Variants in KDM3A observed in about 807,000 individuals in gnomAD.
KDM3A encodes lysine demethylase 3A, also known as lysine-specific demethylase 3A.
KDM3A carries 60 observed loss-of-function variants against 158.0 expected under a neutral mutation model. That is an observed-to-expected ratio of 0.38 (90% confidence interval 0.31 to 0.47). The LOEUF is 0.47. Among genes scored for constraint, KDM3A ranks in the 20% least tolerant of loss-of-function variants. The probability of loss-of-function intolerance (pLI) is 0.99; values close to 1 mark genes in which losing one functional copy is unlikely to be tolerated. For synonymous variants in KDM3A, 608 were observed against 549.3 expected (o/e 1.11, Z -1.49); for missense variants, 1,319 against 1,574.3 (o/e 0.84, Z 2.74).
At chr2:86,439,892 C>T (rs922473481), upstream of KDM3A, among the ~76,000 whole-genome samples, 7 of 151,906 alleles carry the variant, frequency 4.6e-5, no homozygotes, top group African/African-American at 1.7e-4. Flanking sequence ...ATATTTTAGC[C>T]CAGTATTTTC....
chr2:86,487,198 C>T (rs959645627), intron 21 of KDM3A: 52 of 152,112 alleles, frequency 3.4e-4, no homozygotes, highest in African/African-American at 1.1e-3. Context: ...AAAAGAATTG[C>T]TTGCGTGGTT....
chr2:86,479,980 C>T, intron 15 of KDM3A, 187 bp from the exon 16 acceptor site: 1 of 597,680 alleles, frequency 1.7e-6, no homozygotes, highest in Non-Finnish European at 3.0e-6. Context: ...TGACATCTCT[C>T]CTACCTTTTA....
rs768719665 is a variant in KDM3A, at chr2:86,470,333, G to A, written c.1649G>A (p.Arg550His). Residue 550 changes from arginine (R) to histidine (H), a missense_variant, in exon 11 of 26, where the codon CGC (arginine) becomes CAC (histidine). Coordinates refer to ENST00000312912, the MANE Select transcript of KDM3A (RefSeq NM_018433.6). ...VAQLPKCRECRLDSLRKDKEQ... is the reference protein window; with the variant it reads ...VAQLPKCRECHLDSLRKDKEQ... The stretch of plus-strand genomic sequence containing the variant: ...CAGTTGCCTAAATGCCGAGAGTGTC[G>A]CTTGGACAGTCTCCGCAAGGATAAG... 44 of 1,613,926 alleles carry A rather than the reference G, an allele frequency of 2.7e-5. No individual in the cohort carries two copies. Among genetic ancestry groups the A allele is most frequent in the South Asian group, 5.5e-5 (5 of 91,078 alleles).
chr2:86,444,569 A>G (rs1486741922), intron 2 of KDM3A, among the ~76,000 whole-genome samples: 5 of 145,118 alleles, frequency 3.4e-5, no homozygotes, highest in African/African-American at 1.0e-4. Flanking sequence ...ACCAAAACCA[A>G]TTTGTGCTTG....
chr2:86,491,725 T>A (rs2104720636), intron 25 of KDM3A: 1 of 345,146 alleles, frequency 2.9e-6, no homozygotes. Context: ...TAATTTCATG[T>A]TTGGAAAATA....
intron 4 of KDM3A, among the ~76,000 whole-genome samples, chr2:86,452,354 C>G (rs1192506594): frequency 6.6e-6 from 1 of 151,994 alleles, no homozygotes; most frequent in Admixed American, 6.6e-5. Context: ...AGTGCATAAG[C>G]AGTATATATT....
intron 16 of KDM3A, among the ~76,000 whole-genome samples, chr2:86,481,293 C>T (rs951808284): frequency 2.0e-5 from 3 of 152,102 alleles, no homozygotes; most frequent in Non-Finnish European, 4.4e-5. Flanking sequence ...TCCAGCCAGG[C>T]TGGAGTGCAG....
At chr2:86,488,115 G>C (rs895536833) in intron 21 of KDM3A, 3 of 152,086 alleles carry the variant, frequency 2.0e-5, no homozygotes, top group Non-Finnish European at 4.4e-5. Context: ...TTTTTAGCCT[G>C]CTTTTGAACT....
Position 86,491,002 on chromosome 2 carries a change from C to G in KDM3A, c.3695C>G (p.Ala1232Gly). The change falls in exon 24 of 26, where the codon GCT (alanine) becomes GGT (glycine). Residue 1232 changes from alanine (A) to glycine (G), a missense_variant. Transcript: ENST00000312912. ...CAAGAGTATGGAGTTCAAGGCTGGGCTATTGTACAGTTTCTTGGGGATGTG... is the reference window on the plus strand; with the variant it reads ...CAAGAGTATGGAGTTCAAGGCTGGGGTATTGTACAGTTTCTTGGGGATGTG... ...LHQEYGVQGW[A>G]IVQFLGDVVF... The G allele has an allele frequency of 6.2e-7, 1 of 1,614,010 alleles. No homozygotes were observed. The highest frequency in any genetic ancestry group is 8.5e-7 in the Non-Finnish European group (1 of 1,179,926).
chr2:86,437,506 C>T (rs1682510681), upstream of KDM3A, among the ~76,000 whole-genome samples: 1 of 152,170 alleles, frequency 6.6e-6, no homozygotes, highest in Non-Finnish European at 1.5e-5. Flanking sequence ...TTATTCTTTA[C>T]ACCCACTAGA....
intron 17 of KDM3A, 119 bp from the exon 18 acceptor site, chr2:86,482,339 T>G: frequency 6.6e-7 from 1 of 1,503,962 alleles, no homozygotes; most frequent in East Asian, 2.3e-5. Flanking sequence ...CGTACCTTTT[T>G]GCCTGGGGGT....
At position 86,492,381 on chromosome 2, in the gene KDM3A, T is replaced by C. The variant is rs147187367; in HGVS notation, c.*262T>C. The C allele has an allele frequency of 7.3e-6, 3 of 411,186 alleles. No homozygotes were observed. Among genetic ancestry groups the C allele is most frequent in the Non-Finnish European group, 8.8e-6 (2 of 226,614 alleles). The allele number at this position is 411,186 out of a possible 1,614,324, so 25.5% of individuals were successfully genotyped here. A position where few individuals can be genotyped will look rare whatever the true frequency, so the allele number is the denominator to read the frequency against. On this transcript the variant is annotated 3_prime_UTR_variant, in exon 26 of 26. Coordinates refer to ENST00000312912, the MANE Select transcript of KDM3A (RefSeq NM_018433.6). ...ACCAGGCTGTAAAAGCAAAACCTCG[T>C]ATCAGCTCTGGAACAATACCTGCAG...
chr2:86,453,866 A>G (rs1243284154), intron 4 of KDM3A, among the ~76,000 whole-genome samples: 4 of 152,224 alleles, frequency 2.6e-5, no homozygotes, highest in African/African-American at 9.7e-5. Flanking sequence ...TCCATTTCAC[A>G]GTGGCAGAAA....
intron 18 of KDM3A, 77 bp downstream of exon 18, chr2:86,482,771 A>C: frequency 7.4e-7 from 1 of 1,353,524 alleles, no homozygotes; most frequent in Non-Finnish European, 1.0e-6. Flanking sequence ...TGACAACCCC[A>C]CCCCAGGCTT....
chr2:86,482,485 A>G lies in KDM3A; in HGVS notation c.2713A>G (p.Lys905Glu), dbSNP rs1442115000. The change falls in exon 18 of 26, where the codon AAA becomes GAA. Residue 905 changes from lysine to glutamate, a missense_variant. Lys to Glu is a moderately conservative substitution (Grantham distance 56). This residue lies in a region of KDM3A where 368 missense variants were observed against 415.8 expected (regional missense o/e 0.89). Coordinates refer to ENST00000312912, the MANE Select transcript of KDM3A (RefSeq NM_018433.6). ...AGAAAATGGACTCAAGAATACACCAAAAATCCTTGATGACATCTTTGCCTC... is the reference window on the plus strand; with the variant it reads ...AGAAAATGGACTCAAGAATACACCAGAAATCCTTGATGACATCTTTGCCTC... ...KTENGLKNTP[K>E]ILDDIFASLV... is the part of the protein sequence containing the mutation. The G allele has an allele frequency of 6.2e-7, 1 of 1,614,034 alleles. No homozygotes were observed. Among genetic ancestry groups the G allele is most frequent in the Admixed American group, 1.7e-5 (1 of 60,002 alleles).
At chr2:86,451,275 A>G (rs1558606109) in intron 4 of KDM3A, 62 bp downstream of exon 4, 6 of 1,032,742 alleles carry the variant, frequency 5.8e-6, no homozygotes, top group South Asian at 1.6e-5. Context: ...TAACATGAGA[A>G]GTAAAGTACA....
At chr2:86,485,070 C>CT (rs752847683) in intron 20 of KDM3A, 41 bp downstream of exon 20, 1 of 1,121,216 alleles carries the variant, frequency 8.9e-7, no homozygotes, top group Admixed American at 1.9e-5. Context: ...CTGTCCTTCA[C>CT]TTGGTAGGAT....
At chr2:86,481,874 T>TTA (rs1182830045) in intron 16 of KDM3A, 56 bp from the exon 17 acceptor site, 140 of 1,362,862 alleles carry the variant, frequency 1.0e-4, no homozygotes, top group South Asian at 2.2e-4. Flanking sequence ...AGAATACTAA[T>TTA]AAGGGATTTG....
chr2:86,439,772 A>C (rs1221022707), upstream of KDM3A, among the ~76,000 whole-genome samples: 1 of 152,074 alleles, frequency 6.6e-6, no homozygotes, highest in East Asian at 1.9e-4. Flanking sequence ...AGTTCAGGAG[A>C]CCATACTGTC....
Sources: allele counts gnomAD v4.1 joint callset (sites outside exome capture counted in the v4.1 genomes callset), GRCh38; gene constraint gnomAD v4.1.1; regional missense constraint gnomAD v4.1.1; transcripts MANE v1.5; gene names NCBI Gene and HGNC (gene_info 2026-07-23, HGNC 2026-07-21).